HELZ: variants seen among roughly 807,000 people sequenced by gnomAD.
HELZ encodes the protein ATP-dependent RNA helicase with zinc finger domain.
A neutral mutation model predicts 218.2 loss-of-function variants in HELZ; 23 were observed. The observed-to-expected ratio is 0.11, with a 90% CI of 0.08 to 0.15. The LOEUF (loss-of-function observed/expected upper bound fraction) is 0.15, where lower values mean the gene tolerates loss of function less well. Ranked by LOEUF, HELZ falls within the 10% of genes least tolerant of loss-of-function variation. The pLI, the probability that HELZ is intolerant of heterozygous loss-of-function variation, is 1.00. For synonymous variants in HELZ, 814 were observed against 829.4 expected, an observed-to-expected ratio of 0.98 and a Z score of 0.32; for missense variants, 1,813 against 2,353.7, an observed-to-expected ratio of 0.77 and a Z score of 4.75.
intron 23 of HELZ, among the ~76,000 whole-genome samples, chr17:67,133,120 A>G (rs1426286166): frequency 6.6e-6 from 1 of 152,232 alleles, no homozygotes; most frequent in African/African-American, 2.4e-5. Context: ...CAGACAATCA[A>G]CATTGCCATG....
chr17:67,142,767 A>T (rs1294854762), intron 21 of HELZ, among the ~76,000 whole-genome samples: 5 of 151,246 alleles, frequency 3.3e-5, no homozygotes, highest in Non-Finnish European at 5.9e-5. Context: ...ATTTTATTTT[A>T]TTTTTTTGAG....
At chr17:67,150,472 A>T (rs1174963729) in intron 18 of HELZ, among the ~76,000 whole-genome samples, 1 of 152,098 alleles carries the variant, frequency 6.6e-6, no homozygotes, top group Non-Finnish European at 1.5e-5. Context: ...TGCCATATTT[A>T]TCAGAACAAC....
At position 67,225,007 on chromosome 17, in the gene HELZ, G is replaced by A. The variant is rs373174153; in HGVS notation, c.-18-6185C>T. On this transcript the variant is annotated intron_variant, in intron 3 of 32. Coordinates refer to ENST00000358691, the MANE Select transcript of HELZ (RefSeq NM_014877.4). ...AGATGCAAGCATTTTGAACTGGAAG[G>A]AGATAAGAGAAAGGGTCAAGTGATC... is the stretch of plus-strand genomic sequence containing the variant. 18 of 688,248 alleles carry A rather than the reference G, an allele frequency of 2.6e-5. No homozygotes were observed. The East Asian group carries it at 4.9e-4, about 19-fold the overall frequency. The allele number at this position is 688,248 out of a possible 1,614,324, so 42.6% of individuals were successfully genotyped here. A position where few individuals can be genotyped will look rare whatever the true frequency, so the allele number is the denominator to read the frequency against.
intron 13 of HELZ, among the ~76,000 whole-genome samples, chr17:67,175,957 T>C (rs2039443677): frequency 1.3e-5 from 2 of 152,174 alleles, no homozygotes; most frequent in Admixed American, 1.3e-4. Context: ...GAAGTTCCTA[T>C]AAAAACACTC....
At chr17:67,138,597 G>A (rs909757368) in intron 21 of HELZ, among the ~76,000 whole-genome samples, 4 of 152,134 alleles carry the variant, frequency 2.6e-5, no homozygotes, top group African/African-American at 7.2e-5. Flanking sequence ...CTTCCTCACT[G>A]ATATAACTAA....
In HELZ at chr17:67,071,622, A is replaced by G. The variant is rs2035887106; in HGVS notation, c.*6630T>C. On this transcript the variant is annotated 3_prime_UTR_variant, in exon 33 of 33. Transcript: ENST00000358691. ...AGTAGCTCAGTAAATTCAAAGGCAA[A>G]CTAAAAACCAGAAGCAGAGCCCAGT... is the stretch of plus-strand genomic sequence containing the variant. The G allele has an allele frequency of 6.6e-6, 1 of 152,224 alleles. No homozygotes were observed. Among genetic ancestry groups the G allele is most frequent in the African/African-American group, 2.4e-5 (1 of 41,452 alleles). 9.4% of individuals were successfully genotyped at this position (152,224 alleles called of 1,614,324 possible). A position where few individuals can be genotyped will look rare whatever the true frequency, so the allele number is the denominator to read the frequency against.
At position 67,108,439 on chromosome 17, in the gene HELZ, G is replaced by C; in HGVS notation, c.4724+53C>G. On this transcript the variant is annotated intron_variant, in intron 30 of 32. Transcript: ENST00000358691. The surrounding 1 kb of genome is among the most constrained non-coding windows in gnomAD (Gnocchi z 4.1). ...AGCTAAAAGGACTACAGTCAAAAAAGAGAACAGTGAGGGGGTCGCATTCCA... is the reference window on the plus strand; with the variant it reads ...AGCTAAAAGGACTACAGTCAAAAAACAGAACAGTGAGGGGGTCGCATTCCA... 2 of 1,369,236 alleles carry C rather than the reference G, an allele frequency of 1.5e-6. No homozygotes were observed. The highest frequency in any genetic ancestry group is 2.1e-6 in the Non-Finnish European group (2 of 964,286). The allele number at this position is 1,369,236 out of a possible 1,614,324, so 84.8% of individuals were successfully genotyped here.
intron 25 of HELZ, 149 bp downstream of exon 25, chr17:67,123,814 A>ACT (rs2037694422): frequency 1.2e-5 from 4 of 333,674 alleles, no homozygotes; most frequent in Non-Finnish European, 1.9e-5. Flanking sequence ...TTCCAAAGTG[A>ACT]CTGTGTGTGT....
chr17:67,187,166 T>A (rs2039778690), intron 12 of HELZ, among the ~76,000 whole-genome samples: 1 of 152,208 alleles, frequency 6.6e-6, no homozygotes, highest in Admixed American at 6.5e-5. Context: ...TATTTTTATT[T>A]TATCAACTAC....
At position 67,119,993 on chromosome 17, in the gene HELZ, CTTTTTTTTTTTTTTTTT is replaced by C. The variant is rs56893875; in HGVS notation, c.3838+395_3838+411del. On this transcript the variant is annotated intron_variant, in intron 27 of 32. Coordinates refer to ENST00000358691, the MANE Select transcript of HELZ (RefSeq NM_014877.4). ...TTATATGTTAGATTCTCTCCCTTTT[CTTTTTTTTTTTTTTTTT>C]TTTTTTTTTTTGAGATGGAGTCTCA... is the stretch of plus-strand genomic sequence containing the variant. 16 of 161,982 alleles carry C rather than the reference CTTTTTTTTTTTTTTTTT, an allele frequency of 9.9e-5. No homozygotes were observed. In the East Asian group the frequency reaches 2.8e-3, roughly 29 times the overall value. 10.0% of individuals were successfully genotyped at this position (161,982 alleles called of 1,614,324 possible).
intron 19 of HELZ, 33 bp from the exon 20 acceptor site, chr17:67,148,747 C>A: frequency 1.3e-6 from 2 of 1,572,484 alleles, no homozygotes; most frequent in South Asian, 1.2e-5. Flanking sequence ...GAAAGTTTAA[C>A]TGAACATACA....
At chr17:67,126,560 T>C (rs1342717827) in intron 24 of HELZ, among the ~76,000 whole-genome samples, 2 of 152,144 alleles carry the variant, frequency 1.3e-5, no homozygotes, top group Non-Finnish European at 2.9e-5. Flanking sequence ...AAAATAATAA[T>C]GTAGCAGGCT....
rs577429271 is a variant in HELZ, at chr17:67,118,984, T to A, written c.3838+1421A>T. ...ATGATTAGACATCCACTAACAAGAG[T>A]AAAATTTAAAAAAAGACTGAGCATA... On this transcript the variant is annotated intron_variant, in intron 27 of 32. Transcript: ENST00000358691. Among the ~76,000 whole-genome samples, 141 of 151,612 alleles carry A rather than the reference T, an allele frequency of 9.3e-4. 1 individual carries two copies. The highest frequency in any genetic ancestry group is 1.8e-3 in the Non-Finnish European group (120 of 67,852).
At chr17:67,182,653 TTAAAGA>T (rs1171518108) in intron 12 of HELZ, among the ~76,000 whole-genome samples, 2 of 152,318 alleles carry the variant, frequency 1.3e-5, no homozygotes, top group Admixed American at 1.3e-4. Flanking sequence ...AATCCATAAG[TTAAAGA>T]TAATTAGAAT....
At position 67,136,804 on chromosome 17, in the gene HELZ, C is replaced by T. The variant is rs149629665; in HGVS notation, c.2954-606G>A. Among the ~76,000 whole-genome samples the T allele has an allele frequency of 9.9e-5, 15 of 152,176 alleles. 1 individual carries two copies. The highest frequency in any genetic ancestry group is 2.9e-4 in the African/African-American group (12 of 41,522). ...GCCAGGAGGGAAGGAGGAATGGGGGCATTTAATGCATACAGAGTTTCAGTT... is the reference window on the plus strand; with the variant it reads ...GCCAGGAGGGAAGGAGGAATGGGGGTATTTAATGCATACAGAGTTTCAGTT... On this transcript the variant is annotated intron_variant, in intron 22 of 32. Transcript: ENST00000358691.
intron 31 of HELZ, among the ~76,000 whole-genome samples, chr17:67,094,566 A>G (rs1202083607): frequency 6.6e-6 from 1 of 152,216 alleles, no homozygotes; most frequent in Non-Finnish European, 1.5e-5. Context: ...CAGTGCATAT[A>G]AAAATTATAT....
chr17:67,111,556 C>T lies in HELZ; in HGVS notation c.3919-1870G>A, dbSNP rs558588025. On this transcript the variant is annotated intron_variant, in intron 28 of 32. Transcript: ENST00000358691. ...TTGTTCCTGAGTTGCAGCTGGGGTACACTTGGTGACCAACCTGTTGCAACA... is the reference window on the plus strand; with the variant it reads ...TTGTTCCTGAGTTGCAGCTGGGGTATACTTGGTGACCAACCTGTTGCAACA... Among the ~76,000 whole-genome samples, 5 of 152,278 alleles carry T rather than the reference C, an allele frequency of 3.3e-5. No individual in the cohort carries two copies. In the South Asian group the frequency reaches 8.3e-4, roughly 25 times the overall value.
intron 5 of HELZ, among the ~76,000 whole-genome samples, chr17:67,211,249 AC>A (rs1408735866): frequency 6.6e-6 from 1 of 152,134 alleles, no homozygotes; most frequent in Non-Finnish European, 1.5e-5. Context: ...TAAAAAAAAA[AC>A]TTTGGGGACA....
chr17:67,223,780 T>C (rs1416092964), intron 3 of HELZ, among the ~76,000 whole-genome samples: 9 of 152,140 alleles, frequency 5.9e-5, no homozygotes, highest in Non-Finnish European at 1.0e-4. Flanking sequence ...CAAACTTTTA[T>C]CAAAGGAACA....
Sources: gnomAD v4.1 joint callset for allele counts (sites outside exome capture counted in the v4.1 genomes callset) on GRCh38, gnomAD v4.1.1 for gene constraint, Gnocchi (gnomAD v3.1) non-coding constraint, MANE v1.5 for transcripts, NCBI Gene and HGNC (gene_info 2026-07-23, HGNC 2026-07-21) for gene names.